The following ARHGAP21 variants were observed in gnomAD, a reference collection of about 807,000 sequenced individuals.
ARHGAP21 encodes Rho GTPase activating protein 21.
ARHGAP21 carries 38 observed loss-of-function variants against 164.6 expected under a neutral mutation model. The observed-to-expected ratio is 0.23, with a 90% CI of 0.18 to 0.30. The LOEUF (loss-of-function observed/expected upper bound fraction) is 0.30, where lower values mean the gene tolerates loss of function less well. Among genes scored for constraint, ARHGAP21 ranks in the 10% least tolerant of loss-of-function variants. The probability of loss-of-function intolerance (pLI) is 1.00; values close to 1 mark genes in which losing one functional copy is unlikely to be tolerated. For synonymous variants in ARHGAP21, 766 were observed against 857.9 expected (o/e 0.89, Z 1.87); for missense variants, 1,822 against 2,370.7 (o/e 0.77, Z 4.81).
At chr10:24,625,531 T>C (rs1185415168) in intron 7 of ARHGAP21, among the ~76,000 whole-genome samples, 1 of 73,732 alleles carries the variant, frequency 1.4e-5, no homozygotes, top group Non-Finnish European at 2.7e-5. Flanking sequence ...TTCTGCATTA[T>C]TTCAAATATT....
chr10:24,623,728 A>G (rs1284162954), intron 7 of ARHGAP21, among the ~76,000 whole-genome samples: 1 of 152,224 alleles, frequency 6.6e-6, no homozygotes, highest in Non-Finnish European at 1.5e-5. Context: ...CCTATGGTCA[A>G]TGATGTAGGG....
chr10:24,687,052 C>CA (rs1842278177), intron 2 of ARHGAP21, among the ~76,000 whole-genome samples: 1 of 151,954 alleles, frequency 6.6e-6, no homozygotes, highest in Non-Finnish European at 1.5e-5. Flanking sequence ...CCCATTTCTA[C>CA]AAAAAATACA....
chr10:24,587,854 T>A (rs145185059), intron 25 of ARHGAP21, among the ~76,000 whole-genome samples: 2 of 152,244 alleles, frequency 1.3e-5, no homozygotes, highest in African/African-American at 4.8e-5. Flanking sequence ...AGAGACTGTT[T>A]GTTAGAAGTA....
At chr10:24,665,648 G>A (rs1840116559) in intron 4 of ARHGAP21, among the ~76,000 whole-genome samples, 1 of 152,194 alleles carries the variant, frequency 6.6e-6, no homozygotes, top group South Asian at 2.1e-4. Flanking sequence ...GTGATGGAAA[G>A]GTTGTTTTGA....
At chr10:24,698,775 A>G (rs994569091) in intron 2 of ARHGAP21, among the ~76,000 whole-genome samples, 2 of 152,218 alleles carry the variant, frequency 1.3e-5, no homozygotes. Context: ...TACAATCCAA[A>G]CATAACCACT....
intron 2 of ARHGAP21, among the ~76,000 whole-genome samples, chr10:24,705,332 A>G (rs1384902411): frequency 2.0e-5 from 3 of 152,222 alleles, no homozygotes; most frequent in Admixed American, 1.3e-4. Context: ...ACGGTAATGT[A>G]AATCCATTAG....
chr10:24,672,884 CA>C (rs539936931), intron 2 of ARHGAP21, among the ~76,000 whole-genome samples: 2,481 of 147,606 alleles, frequency 0.017, 43 homozygotes, highest in Non-Finnish European at 0.026. Flanking sequence ...AAAACAAAAA[CA>C]AAAAAAAACA....
At position 24,640,435 on chromosome 10, in the gene ARHGAP21, C is replaced by CA. The variant is rs1836885317; in HGVS notation, c.269-5333dup. ...ATCTCTGCTTTTATGAGACTTATTT[C>CA]AAAAAATGGTATTTTTTCCATTGGT... is the stretch of plus-strand genomic sequence containing the variant. On this transcript the variant is annotated intron_variant, in intron 4 of 25. Transcript: ENST00000396432. 2.0e-5 allele frequency among the ~76,000 whole-genome samples: 3 copies of CA among 151,858 alleles called. No individual in the cohort carries two copies. The South Asian group carries it at 6.2e-4, about 32-fold the overall frequency.
intron 2 of ARHGAP21, among the ~76,000 whole-genome samples, chr10:24,712,993 G>A (rs1000195388): frequency 6.0e-5 from 9 of 151,096 alleles, no homozygotes; most frequent in Admixed American, 2.0e-4. Flanking sequence ...AAAAAAAAAC[G>A]GCGCTGATGA....
At chr10:24,617,302 C>G (rs941221701) in intron 9 of ARHGAP21, among the ~76,000 whole-genome samples, 1 of 151,916 alleles carries the variant, frequency 6.6e-6, no homozygotes, top group Non-Finnish European at 1.5e-5. Context: ...TTTACTACTC[C>G]AATGTAATCT....
chr10:24,676,431 T>C (rs1432458718), intron 2 of ARHGAP21, among the ~76,000 whole-genome samples: 2 of 152,176 alleles, frequency 1.3e-5, no homozygotes, highest in African/African-American at 2.4e-5. Flanking sequence ...CAGTTTAGCA[T>C]TGTGGTTCAG....
intron 21 of ARHGAP21, among the ~76,000 whole-genome samples, chr10:24,592,452 T>G (rs2076375696): frequency 6.6e-6 from 1 of 152,148 alleles, no homozygotes; most frequent in Non-Finnish European, 1.5e-5. Context: ...TGAAAACAAC[T>G]GATTTGGTTC....
chr10:24,638,839 C>A (rs975867184), intron 4 of ARHGAP21, among the ~76,000 whole-genome samples: 6 of 152,012 alleles, frequency 3.9e-5, no homozygotes, highest in Admixed American at 3.9e-4. Context: ...GCTAAAGTAA[C>A]CAGGTTCAAA....
At chr10:24,635,151 TA>T in intron 4 of ARHGAP21, 48 bp from the exon 5 acceptor site, 1 of 1,160,878 alleles carries the variant, frequency 8.6e-7, no homozygotes, top group South Asian at 1.6e-5. Context: ...AATACTTTAC[TA>T]AAATACCTAA....
At chr10:24,627,346 G>C (rs1454333831) in intron 7 of ARHGAP21, among the ~76,000 whole-genome samples, 1 of 152,126 alleles carries the variant, frequency 6.6e-6, no homozygotes, top group Non-Finnish European at 1.5e-5. Flanking sequence ...TTTAAGATCT[G>C]CATAAGTACT....
chr10:24,590,391 C>T (rs756001988), intron 24 of ARHGAP21: 3 of 1,535,348 alleles, frequency 2.0e-6, no homozygotes, highest in Non-Finnish European at 2.6e-6. Flanking sequence ...GACAACAGTC[C>T]TCCTTCTTCC....
chr10:24,593,887 T>C (rs373986990), intron 21 of ARHGAP21, among the ~76,000 whole-genome samples: 95 of 152,212 alleles, frequency 6.2e-4, no homozygotes, highest in African/African-American at 2.0e-3. Flanking sequence ...TTTTTTTTTT[T>C]CTAACCATTT....
intron 23 of ARHGAP21, 60 bp from the exon 24 acceptor site, chr10:24,591,390 T>C: frequency 7.0e-7 from 1 of 1,436,868 alleles, no homozygotes; most frequent in Non-Finnish European, 9.7e-7. Flanking sequence ...CTTTAAAATT[T>C]AAACAACATT....
intron 2 of ARHGAP21, among the ~76,000 whole-genome samples, chr10:24,675,096 A>C (rs1235222193): frequency 1.3e-5 from 2 of 152,218 alleles, no homozygotes; most frequent in Admixed American, 1.3e-4. Flanking sequence ...TTGAAAGCAT[A>C]CGTCAACAGA....
Sources: gnomAD v4.1 joint callset for allele counts (sites outside exome capture counted in the v4.1 genomes callset) on GRCh38, gnomAD v4.1.1 for gene constraint, MANE v1.5 for transcripts, NCBI Gene and HGNC (gene_info 2026-07-23, HGNC 2026-07-21) for gene names.